TBC1D14: variants seen among roughly 807,000 people sequenced by gnomAD.
The protein encoded by TBC1D14 is TBC1 domain family member 14.
TBC1D14 carries 26 observed loss-of-function variants against 79.0 expected under a neutral mutation model. The ratio of observed to expected loss-of-function variants is 0.33; its 90% CI spans 0.24 to 0.46. The LOEUF (loss-of-function observed/expected upper bound fraction) is 0.46. TBC1D14 is among the 20% of genes least tolerant of loss of function. The probability of loss-of-function intolerance (pLI) is 1.00; values close to 1 mark genes in which losing one functional copy is unlikely to be tolerated. For missense variants in TBC1D14, 769 were observed against 887.6 expected (o/e 0.87, Z 1.70); for synonymous variants, 394 against 349.9 (o/e 1.13, Z -1.40).
chr4:6,958,969 C>T (rs1423187086), intron 2 of TBC1D14, among the ~76,000 whole-genome samples: 3 of 151,852 alleles, frequency 2.0e-5, no homozygotes, highest in African/African-American at 4.8e-5. Flanking sequence ...CTGCAAGCTC[C>T]GCCTCCCGGG....
chr4:7,014,808 C>T (rs918824561), intron 12 of TBC1D14, among the ~76,000 whole-genome samples: 4 of 152,196 alleles, frequency 2.6e-5, no homozygotes, highest in Admixed American at 1.3e-4. Flanking sequence ...TTAAAGGACC[C>T]GTCCTAAGCA....
At chr4:6,981,064 G>C in intron 3 of TBC1D14, among the ~76,000 whole-genome samples, 1 of 126,732 alleles carries the variant, frequency 7.9e-6, no homozygotes, top group African/African-American at 3.0e-5. Flanking sequence ...TTGCTCTGTT[G>C]CTCAGGCTGG....
chr4:6,916,355 A>G (rs1242034758), intron 1 of TBC1D14, among the ~76,000 whole-genome samples: 2 of 152,146 alleles, frequency 1.3e-5, no homozygotes, highest in South Asian at 2.1e-4. Context: ...TCCGGTGGAT[A>G]TCTACACAGA....
At position 6,987,276 on chromosome 4, in the gene TBC1D14, G is replaced by A. The variant is rs935033423; in HGVS notation, c.844-6908G>A. 3.9e-5 allele frequency: 52 copies of A among 1,333,100 alleles called. No homozygotes were observed. In the African/African-American group the frequency reaches 7.4e-4, roughly 19 times the overall value. 82.6% of individuals were successfully genotyped at this position (1,333,100 alleles called of 1,614,324 possible). A position where few individuals can be genotyped will look rare whatever the true frequency, so the allele number is the denominator to read the frequency against. On this transcript the variant is annotated intron_variant, in intron 3 of 13. Coordinates refer to ENST00000409757, the MANE Select transcript of TBC1D14 (RefSeq NM_020773.3). ...CCGCCCGCCCGCGGTCCGGGAGGGA[G>A]GGAGGGAGGCCGGCCCTCCGCTCGC...
At chr4:7,010,554 C>T in intron 10 of TBC1D14, 99 bp from the exon 11 acceptor site, 2 of 1,449,806 alleles carry the variant, frequency 1.4e-6, no homozygotes, top group Admixed American at 4.2e-5. Context: ...AGGGACACTT[C>T]TAGTGTGAGG....
At chr4:6,981,019 T>G (rs77630023) in intron 3 of TBC1D14, among the ~76,000 whole-genome samples, 3 of 141,878 alleles carry the variant, frequency 2.1e-5, no homozygotes, top group African/African-American at 7.8e-5. Context: ...CCGGCCTCTG[T>G]CTCTTTTTTT....
chr4:6,993,637 G>A (rs1163589204), intron 3 of TBC1D14, among the ~76,000 whole-genome samples: 1 of 152,210 alleles, frequency 6.6e-6, no homozygotes, highest in Non-Finnish European at 1.5e-5. Context: ...CTTTGATAAT[G>A]AGATCCTTTG....
intron 3 of TBC1D14, among the ~76,000 whole-genome samples, chr4:6,988,977 A>C (rs1718197510): frequency 6.9e-6 from 1 of 145,962 alleles, no homozygotes; most frequent in African/African-American, 2.6e-5. Flanking sequence ...CCTGGGCTCA[A>C]GTGATCCTTG....
At chr4:6,971,519 T>A (rs551373791) in intron 3 of TBC1D14, among the ~76,000 whole-genome samples, 13 of 152,362 alleles carry the variant, frequency 8.5e-5, no homozygotes, top group Non-Finnish European at 1.5e-4. Flanking sequence ...TAGTTATCTT[T>A]TCAAATTGCA....
At chr4:6,946,591 G>T (rs1158960968) in intron 2 of TBC1D14, among the ~76,000 whole-genome samples, 1 of 152,172 alleles carries the variant, frequency 6.6e-6, no homozygotes, top group East Asian at 1.9e-4. Context: ...AAAGTGCTGG[G>T]ATTACAGGCG....
At chr4:6,941,801 A>G (rs375243484) in intron 2 of TBC1D14, among the ~76,000 whole-genome samples, 19 of 152,200 alleles carry the variant, frequency 1.2e-4, no homozygotes, top group East Asian at 5.8e-4. Flanking sequence ...TGTTCATGGA[A>G]CTTCCTCAGG....
At position 6,988,526 on chromosome 4, in the gene TBC1D14, C is replaced by T. The variant is rs187506102; in HGVS notation, c.844-5658C>T. ...TGTGCAGATGTGGTGGCCGTGCTGT[C>T]ACAGCATTAGTTCAAGTCAGTCTTT... On this transcript the variant is annotated intron_variant, in intron 3 of 13. Transcript: ENST00000409757. Among the ~76,000 whole-genome samples the T allele has an allele frequency of 1.4e-4, 22 of 152,314 alleles. 1 individual carries two copies. Among genetic ancestry groups the T allele is most frequent in the Admixed American group, 1.2e-3 (19 of 15,302 alleles).
At chr4:6,934,817 C>T (rs1331064565) in intron 2 of TBC1D14, among the ~76,000 whole-genome samples, 1 of 152,150 alleles carries the variant, frequency 6.6e-6, no homozygotes, top group Non-Finnish European at 1.5e-5. Context: ...TGGCCTCACA[C>T]CTGTAATCCC....
chr4:6,941,476 C>A (rs962986179), intron 2 of TBC1D14, among the ~76,000 whole-genome samples: 1 of 152,208 alleles, frequency 6.6e-6, no homozygotes, highest in Non-Finnish European at 1.5e-5. Flanking sequence ...TGAGCCACTG[C>A]GCCCGGCCAA....
intron 3 of TBC1D14, among the ~76,000 whole-genome samples, chr4:6,977,896 C>T (rs1205001497): frequency 6.6e-6 from 1 of 151,526 alleles, no homozygotes; most frequent in Non-Finnish European, 1.5e-5. Flanking sequence ...CCCTGCCGCC[C>T]CGTCTGGGAT....
intron 2 of TBC1D14, among the ~76,000 whole-genome samples, chr4:6,965,953 T>G (rs929727224): frequency 6.6e-6 from 1 of 152,244 alleles, no homozygotes; most frequent in South Asian, 2.1e-4. Flanking sequence ...CCATTCCTCA[T>G]TGAGCTTTCC....
At chr4:7,010,930 A>AT in intron 11 of TBC1D14, 149 bp downstream of exon 11, 2 of 969,272 alleles carry the variant, frequency 2.1e-6, no homozygotes, top group Non-Finnish European at 3.0e-6. Context: ...GTGGAGGATG[A>AT]TTTTGAGCAG....
At chr4:6,914,380 T>G (rs1035636652) in intron 1 of TBC1D14, among the ~76,000 whole-genome samples, 1 of 152,246 alleles carries the variant, frequency 6.6e-6, no homozygotes, top group Non-Finnish European at 1.5e-5. Context: ...GGAAATTTTT[T>G]TCAGGACTAT....
At chr4:6,966,691 G>C (rs1291117664) in intron 2 of TBC1D14, among the ~76,000 whole-genome samples, 1 of 152,240 alleles carries the variant, frequency 6.6e-6, no homozygotes, top group African/African-American at 2.4e-5. Flanking sequence ...GGTTGAGCCA[G>C]AGTTTCAATT....
Sources: allele counts gnomAD v4.1 joint callset (sites outside exome capture counted in the v4.1 genomes callset), GRCh38; gene constraint gnomAD v4.1.1; transcripts MANE v1.5; gene names NCBI Gene and HGNC (gene_info 2026-07-23, HGNC 2026-07-21).